Variants in GKAP1 observed in about 807,000 individuals in gnomAD.
GKAP1 encodes G kinase anchoring protein 1.
In GKAP1, 31 loss-of-function variants were observed where a neutral mutation model predicts 56.7. The observed-to-expected ratio is 0.55, with a 90% CI of 0.41 to 0.74. The LOEUF (loss-of-function observed/expected upper bound fraction) is 0.74. Among genes scored for constraint, GKAP1 ranks in the 30% least tolerant of loss-of-function variants. GKAP1 has a pLI of 0.00. For missense variants in GKAP1, 364 were observed against 402.3 expected (o/e 0.90, Z 0.82); for synonymous variants, 151 against 138.6 (o/e 1.09, Z -0.63).
intron 8 of GKAP1, among the ~76,000 whole-genome samples, chr9:83,767,383 G>A (rs569416446): frequency 1.3e-3 from 197 of 150,036 alleles, no homozygotes; most frequent in African/African-American, 4.0e-3. Flanking sequence ...TTTTTGAGAC[G>A]GAGTCTTGCT....
At chr9:83,784,182 G>C (rs1944024791) in intron 6 of GKAP1, among the ~76,000 whole-genome samples, 1 of 151,750 alleles carries the variant, frequency 6.6e-6, no homozygotes, top group African/African-American at 2.4e-5. Flanking sequence ...CATAAGAATT[G>C]CTTGAGTCGT....
At chr9:83,803,409 C>T (rs1406721926) in intron 3 of GKAP1, among the ~76,000 whole-genome samples, 6 of 151,882 alleles carry the variant, frequency 4.0e-5, no homozygotes, top group African/African-American at 1.2e-4. Flanking sequence ...TGTGCCACCA[C>T]GCCTGACTGG....
At chr9:83,787,413 A>AT (rs1227039791) in intron 5 of GKAP1, among the ~76,000 whole-genome samples, 3 of 151,412 alleles carry the variant, frequency 2.0e-5, no homozygotes, top group Non-Finnish European at 3.0e-5. Context: ...ATTAAAAAAA[A>AT]ATTTTTAGAG....
chr9:83,800,908 G>C (rs1014746619), intron 3 of GKAP1, among the ~76,000 whole-genome samples: 1 of 152,122 alleles, frequency 6.6e-6, no homozygotes, highest in Non-Finnish European at 1.5e-5. Flanking sequence ...AATCTATTCT[G>C]GTTCTGGGGG....
rs748755928 is a variant in GKAP1 at position 83,780,412 on chromosome 9, TG to T, written c.563-9del. 8 of 1,086,892 alleles carry T rather than the reference TG, an allele frequency of 7.4e-6. 1 individual carries two copies. In the South Asian group the frequency reaches 1.5e-4, roughly 20 times the overall value. The allele number at this position is 1,086,892 out of a possible 1,614,324, so 67.3% of individuals were successfully genotyped here. ...TCTTTTTACTAATGTGATCTGTAAA[TG>T]AAAAAGAAACAAAGATGAAACTTTA... On this transcript the variant is annotated splice_polypyrimidine_tract_variant and intron_variant, in intron 6 of 12. Coordinates refer to ENST00000376371, the MANE Select transcript of GKAP1 (RefSeq NM_025211.4).
intron 8 of GKAP1, among the ~76,000 whole-genome samples, chr9:83,755,558 TATG>T: frequency 1.3e-5 from 2 of 152,094 alleles, no homozygotes; most frequent in Middle Eastern, 6.8e-3. Context: ...TCTTGATGAA[TATG>T]ATTATTATCT....
chr9:83,775,898 A>AAAAAAG (rs1943852939), intron 7 of GKAP1, among the ~76,000 whole-genome samples: 1 of 149,420 alleles, frequency 6.7e-6, no homozygotes, highest in Non-Finnish European at 1.5e-5. Context: ...AAAAAAAAAA[A>AAAAAAG]AGAGAGAGAA....
intron 8 of GKAP1, among the ~76,000 whole-genome samples, chr9:83,765,139 C>T (rs75117634): frequency 0.18 from 26,672 of 152,204 alleles, 2,907 homozygotes; most frequent in Non-Finnish European, 0.24. Context: ...ACTTGGTGCC[C>T]TGTGTCCCAG....
chr9:83,803,567 C>T (rs1944370642), intron 3 of GKAP1, among the ~76,000 whole-genome samples: 1 of 152,226 alleles, frequency 6.6e-6, no homozygotes, highest in Non-Finnish European at 1.5e-5. Flanking sequence ...CAATGGTGCC[C>T]AGGCTGGAGT....
intron 2 of GKAP1, among the ~76,000 whole-genome samples, chr9:83,811,042 A>G (rs1944499411): frequency 1.3e-5 from 2 of 152,234 alleles, no homozygotes; most frequent in African/African-American, 2.4e-5. Context: ...ACCACTTTAT[A>G]TATGTCCATC....
intron 10 of GKAP1, among the ~76,000 whole-genome samples, chr9:83,745,244 G>A (rs1296367383): frequency 6.6e-6 from 1 of 152,114 alleles, no homozygotes; most frequent in Non-Finnish European, 1.5e-5. Context: ...ATGTTGCCCA[G>A]GCTGGTCCCA....
intron 10 of GKAP1, among the ~76,000 whole-genome samples, chr9:83,745,513 T>C (rs1314174910): frequency 6.6e-6 from 1 of 152,230 alleles, no homozygotes; most frequent in Non-Finnish European, 1.5e-5. Context: ...CGATTTTTAA[T>C]CTATTTTTGA....
chr9:83,774,801 C>A (rs1470911505), intron 7 of GKAP1, among the ~76,000 whole-genome samples: 1 of 149,170 alleles, frequency 6.7e-6, no homozygotes, highest in Non-Finnish European at 1.5e-5. Flanking sequence ...CCTCCACCTC[C>A]CGGGTTCAGG....
intron 2 of GKAP1, among the ~76,000 whole-genome samples, chr9:83,814,346 G>A (rs1329867100): frequency 3.3e-5 from 5 of 152,052 alleles, no homozygotes; most frequent in Non-Finnish European, 7.4e-5. Context: ...GTTCTCTTTT[G>A]TCTACAATGC....
intron 7 of GKAP1, 35 bp downstream of exon 7, chr9:83,780,346 CA>C (rs1943949079): frequency 8.4e-7 from 1 of 1,185,630 alleles, no homozygotes. Flanking sequence ...TTAAAATCAT[CA>C]GTGTTTTCTA....
At chr9:83,798,890 T>A (rs1944288815) in intron 4 of GKAP1, among the ~76,000 whole-genome samples, 1 of 152,170 alleles carries the variant, frequency 6.6e-6, no homozygotes, top group African/African-American at 2.4e-5. Flanking sequence ...TTACTTGGAA[T>A]AATTTAATAC....
chr9:83,812,904 T>A (rs1262104440), intron 2 of GKAP1, among the ~76,000 whole-genome samples: 1 of 152,170 alleles, frequency 6.6e-6, no homozygotes, highest in Non-Finnish European at 1.5e-5. Flanking sequence ...AAGAGAACAC[T>A]ACCCTCGTTA....
At chr9:83,775,496 G>C (rs905954641) in intron 7 of GKAP1, among the ~76,000 whole-genome samples, 1 of 152,044 alleles carries the variant, frequency 6.6e-6, no homozygotes, top group Non-Finnish European at 1.5e-5. Flanking sequence ...AAATATTCTT[G>C]CCTCCCTCAA....
chr9:83,792,427 G>C (rs1271828992), intron 4 of GKAP1, among the ~76,000 whole-genome samples: 2 of 152,162 alleles, frequency 1.3e-5, no homozygotes, highest in African/African-American at 2.4e-5. Flanking sequence ...TGAGAACCTA[G>C]AATCAATGTG....
Sources: gnomAD v4.1 joint callset for allele counts (sites outside exome capture counted in the v4.1 genomes callset) on GRCh38, gnomAD v4.1.1 for gene constraint, MANE v1.5 for transcripts, NCBI Gene and HGNC (gene_info 2026-07-23, HGNC 2026-07-21) for gene names.